Variants in STPG2 observed in about 807,000 individuals in gnomAD.
The protein encoded by STPG2 is sperm-tail PG-rich repeat-containing protein 2.
Under a neutral mutation model 54.2 loss-of-function variants are expected in STPG2, and 56 were observed. That is an observed-to-expected ratio of 1.03 (90% confidence interval 0.83 to 1.29). STPG2 has a LOEUF of 1.29. STPG2 is among the 50% of genes most tolerant of loss of function. The pLI, the probability that STPG2 is intolerant of heterozygous loss-of-function variation, is 0.00. For synonymous variants in STPG2, 200 were observed against 181.8 expected (o/e 1.10, Z -0.81); for missense variants, 596 against 544.9 (o/e 1.09, Z -0.93).
At position 97,540,650 on chromosome 4, in the gene STPG2, T is replaced by G. The variant is rs1003355085; in HGVS notation, c.462+172049A>C. On this transcript the variant is annotated intron_variant, in intron 4 of 4. Coordinates refer to the STPG2 transcript ENST00000522676. Reference sequence around the variant, plus strand: ...CCAGCATCATCCTGATACCAAAGCCTGGCAGAGACACAACAAAAACAGAGA... The same window carrying G: ...CCAGCATCATCCTGATACCAAAGCCGGGCAGAGACACAACAAAAACAGAGA... 5.3e-5 allele frequency among the ~76,000 whole-genome samples: 8 copies of G among 152,110 alleles called. No individual in the cohort carries two copies. The South Asian group carries it at 1.5e-3, about 28-fold the overall frequency.
chr4:97,798,628 G>T (rs1331130266), intron 9 of STPG2, among the ~76,000 whole-genome samples: 1 of 142,326 alleles, frequency 7.0e-6, no homozygotes, highest in African/African-American at 2.7e-5. Flanking sequence ...TGGAATAAGT[G>T]TGATGTGGTG....
intron 5 of STPG2, among the ~76,000 whole-genome samples, chr4:98,038,951 A>G (rs915915015): frequency 2.0e-5 from 3 of 152,010 alleles, no homozygotes; most frequent in African/African-American, 7.2e-5. Context: ...TAAGAGATAC[A>G]CATACCCATC....
intron 5 of STPG2, among the ~76,000 whole-genome samples, chr4:98,066,208 T>A (rs937556217): frequency 2.6e-5 from 4 of 152,188 alleles, no homozygotes; most frequent in African/African-American, 9.6e-5. Context: ...CCAACCTGAC[T>A]CTCATAAAAG....
intron 4 of STPG2, among the ~76,000 whole-genome samples, chr4:97,484,240 T>C (rs1012250649): frequency 6.6e-6 from 1 of 151,210 alleles, no homozygotes; most frequent in Non-Finnish European, 1.5e-5. Context: ...ATAAATTAAA[T>C]TGAAACAAAA....
At chr4:97,681,249 G>A (rs1723024817) in intron 10 of STPG2, among the ~76,000 whole-genome samples, 1 of 151,762 alleles carries the variant, frequency 6.6e-6, no homozygotes, top group South Asian at 2.1e-4. Flanking sequence ...ATTGAGTGTT[G>A]AAATTAGTAG....
chr4:97,796,009 T>C (rs1471799944), intron 9 of STPG2, among the ~76,000 whole-genome samples: 1 of 152,234 alleles, frequency 6.6e-6, no homozygotes, highest in East Asian at 1.9e-4. Context: ...CTTTGAGTAG[T>C]GTCTGCTCAT....
intron 10 of STPG2, among the ~76,000 whole-genome samples, chr4:97,596,895 A>G (rs1331712867): frequency 6.6e-6 from 1 of 152,134 alleles, no homozygotes; most frequent in African/African-American, 2.4e-5. Flanking sequence ...AAGCTAGCAG[A>G]AAACAAGAAA....
chr4:97,632,629 C>T (rs2865936), intron 10 of STPG2, among the ~76,000 whole-genome samples: 67,802 of 151,856 alleles, frequency 0.45, 16,710 homozygotes, highest in South Asian at 0.62. Context: ...TATCAATATG[C>T]TTTATACATT....
At position 97,534,201 on chromosome 4, in the gene STPG2, AC is replaced by A. The variant is rs1169286903; in HGVS notation, c.462+178497del. 2.3e-4 allele frequency among the ~76,000 whole-genome samples: 35 copies of A among 152,124 alleles called. 1 individual carries two copies. The highest frequency in any genetic ancestry group is 7.5e-4 in the African/African-American group (31 of 41,520). On this transcript the variant is annotated intron_variant, in intron 4 of 4. Coordinates refer to the STPG2 transcript ENST00000522676. Reference sequence around the variant, plus strand: ...CATATTTCATATTGTTTATGTTCATACTTTTTATATTGTTTATTGGTCATAC... The same window carrying A: ...CATATTTCATATTGTTTATGTTCATATTTTTATATTGTTTATTGGTCATAC...
intron 10 of STPG2, among the ~76,000 whole-genome samples, chr4:97,695,371 A>C (rs1723537037): frequency 6.6e-6 from 1 of 152,304 alleles, no homozygotes; most frequent in South Asian, 2.1e-4. Context: ...TTTATGACAA[A>C]CCCACAGCCA....
In STPG2 at chr4:97,465,129, G is replaced by A. The variant is rs527243211; in HGVS notation, c.462+247570C>T. On this transcript the variant is annotated intron_variant, in intron 4 of 4. Transcript: ENST00000522676. Reference sequence around the variant, plus strand: ...GAATATGTGGGTTAGAAAGCCTGGCGCTTTCTAATTACCAGGCTAGTTCTG... The same window carrying A: ...GAATATGTGGGTTAGAAAGCCTGGCACTTTCTAATTACCAGGCTAGTTCTG... Among the ~76,000 whole-genome samples, 260 of 152,188 alleles carry A rather than the reference G, an allele frequency of 1.7e-3. 1 individual carries two copies. The highest frequency in any genetic ancestry group is 2.9e-3 in the Non-Finnish European group (196 of 68,008).
intron 10 of STPG2, among the ~76,000 whole-genome samples, chr4:97,677,363 TG>T (rs1722883646): frequency 6.6e-6 from 1 of 152,112 alleles, no homozygotes; most frequent in Non-Finnish European, 1.5e-5. Context: ...AATTTAATCA[TG>T]AAAAAAATGA....
intron 8 of STPG2, among the ~76,000 whole-genome samples, chr4:97,898,647 A>T (rs906165448): frequency 2.6e-5 from 4 of 151,728 alleles, no homozygotes; most frequent in African/African-American, 4.8e-5. Context: ...ATGAGGAGGC[A>T]TTTAGTTTTA....
At chr4:97,834,810 T>C (rs1166918769) in intron 9 of STPG2, among the ~76,000 whole-genome samples, 1 of 152,040 alleles carries the variant, frequency 6.6e-6, no homozygotes, top group Non-Finnish European at 1.5e-5. Flanking sequence ...GAGTTATGTA[T>C]TGCCCTGACC....
Position 98,143,438 on chromosome 4 carries a change from T to C in STPG2, c.-288A>G, listed in dbSNP as rs1463214301. Reference sequence around the variant, plus strand: ...CCAGGTGCACGCCACCAAAATTGGGTATTAGGGATTAGACGCTCGCCCCGG... The same window carrying C: ...CCAGGTGCACGCCACCAAAATTGGGCATTAGGGATTAGACGCTCGCCCCGG... On this transcript the variant is annotated 5_prime_UTR_variant, in exon 1 of 11. In the 5' UTR this introduces an upstream ATG that the reference lacks. Transcript: ENST00000295268. Among the ~76,000 whole-genome samples, 1 of 151,976 alleles carries C rather than the reference T, an allele frequency of 6.6e-6. No individual in the cohort carries two copies. Among genetic ancestry groups the C allele is most frequent in the Non-Finnish European group, 1.5e-5 (1 of 67,986 alleles).
In STPG2 at chr4:97,712,805, G is replaced by T. The variant is rs1480685415; in HGVS notation, c.1214C>A (p.Ala405Glu). ...EKVTDGPGPA[A>E]YNPVLRKSCP... is the part of the protein sequence containing the mutation. The stretch of plus-strand genomic sequence containing the variant: ...AGATTTCCTTAAAACAGGATTGTAT[G>T]CTGCAGGACCTGAGAGACAACAAAT... Residue 405 changes from alanine (A) to glutamate (E), a missense_variant, in exon 10 of 11, where the codon GCA (alanine) becomes GAA (glutamate). Ala to Glu is a moderately radical substitution (Grantham distance 107). Coordinates refer to ENST00000295268, the MANE Select transcript of STPG2 (RefSeq NM_174952.3). 2 of 1,595,612 alleles carry T rather than the reference G, an allele frequency of 1.3e-6. No individual in the cohort carries two copies. Among genetic ancestry groups the T allele is most frequent in the Non-Finnish European group, 1.7e-6 (2 of 1,170,512 alleles).
chr4:98,127,428 T>C (rs10012167), intron 3 of STPG2, among the ~76,000 whole-genome samples: 60,130 of 152,076 alleles, frequency 0.4, 12,135 homozygotes, highest in Middle Eastern at 0.46. Flanking sequence ...AAGGTGCTTA[T>C]GTCTAAGCCC....
intron 10 of STPG2, among the ~76,000 whole-genome samples, chr4:97,613,054 G>C (rs899611402): frequency 6.6e-6 from 1 of 151,974 alleles, no homozygotes; most frequent in Non-Finnish European, 1.5e-5. Context: ...TTCTCCTAAT[G>C]TTAACATCTT....
At chr4:97,603,999 G>GA (rs1326514743) in intron 10 of STPG2, among the ~76,000 whole-genome samples, 1 of 151,682 alleles carries the variant, frequency 6.6e-6, no homozygotes, top group Admixed American at 6.6e-5. Flanking sequence ...CACCGCAATT[G>GA]AAAATAAAAG....
Sources: gnomAD v4.1 joint callset for allele counts (sites outside exome capture counted in the v4.1 genomes callset) on GRCh38, gnomAD v4.1.1 for gene constraint, MANE v1.5 for transcripts, NCBI Gene and HGNC (gene_info 2026-07-23, HGNC 2026-07-21) for gene names.